ASAH2: variants seen among roughly 807,000 people sequenced by gnomAD.
ASAH2 encodes the protein N-acylsphingosine amidohydrolase 2.
In ASAH2, 58 loss-of-function variants were observed where a neutral mutation model predicts 82.9. That is an observed-to-expected ratio of 0.70 (90% confidence interval 0.57 to 0.87). ASAH2 has a LOEUF of 0.87. Ranked by LOEUF, ASAH2 falls within the 40% of genes least tolerant of loss-of-function variation. The pLI, the probability that ASAH2 is intolerant of heterozygous loss-of-function variation, is 0.00. For missense variants in ASAH2, 779 were observed against 834.0 expected (o/e 0.93, Z 0.81); for synonymous variants, 276 against 289.7 (o/e 0.95, Z 0.48).
intron 5 of ASAH2, 122 bp downstream of exon 5, chr10:50,235,766 G>T: frequency 9.5e-7 from 1 of 1,057,506 alleles, no homozygotes; most frequent in Non-Finnish European, 1.5e-6. Flanking sequence ...AGAAAGAATT[G>T]TACATGCTAA....
At position 50,218,582 on chromosome 10, in the gene ASAH2, T is replaced by C. The variant is rs1223410939; in HGVS notation, c.942A>G (p.Val314=). ...PVSMNNSNHL[V]NSDNVGYASY... is the part of the protein sequence containing the mutation. ...ATGCATAGCCCACATTGTCACTGTT[T>C]ACAAGATGGTTACTGTTGTTCATGC... Residue 314 remains valine, a synonymous_variant, in exon 8 of 21, where the codon GTA becomes GTG. Coordinates refer to ENST00000682911, the MANE Select transcript of ASAH2 (RefSeq NM_019893.4). 4 of 1,613,712 alleles carry C rather than the reference T, an allele frequency of 2.5e-6. No homozygotes were observed. The highest frequency in any genetic ancestry group is 3.4e-6 in the Non-Finnish European group (4 of 1,179,774).
chr10:50,250,911 C>A (rs1007417945), intron 1 of ASAH2, among the ~76,000 whole-genome samples: 43 of 152,210 alleles, frequency 2.8e-4, no homozygotes, highest in African/African-American at 1.0e-3. Context: ...TGTTTAGCTG[C>A]CAGAATTGTT....
intron 8 of ASAH2, among the ~76,000 whole-genome samples, chr10:50,215,860 A>C (rs936412885): frequency 2.0e-5 from 3 of 152,138 alleles, no homozygotes; most frequent in African/African-American, 7.2e-5. Context: ...ACACATGTAC[A>C]CGTATGTTTA....
At chr10:50,199,916 A>G (rs1351622925) in intron 16 of ASAH2, among the ~76,000 whole-genome samples, 112 of 151,762 alleles carry the variant, frequency 7.4e-4, no homozygotes, top group Non-Finnish European at 1.5e-3. Context: ...TTTCTCACCC[A>G]GATCTCTTTT....
In ASAH2 at chr10:50,210,906, T is replaced by A; in HGVS notation, c.1333-2A>T. On this transcript the variant is annotated splice_acceptor_variant, in intron 11 of 20. Transcript: ENST00000682911. LOFTEE classifies it high-confidence loss of function. ...CAATGCTGGTTTACATGTTTTTGACTAAAGGAAAAGTTTTAAAAACAAAAC... is the reference window on the plus strand; with the variant it reads ...CAATGCTGGTTTACATGTTTTTGACAAAAGGAAAAGTTTTAAAAACAAAAC... 6.2e-7 allele frequency: 1 copy of A among 1,613,118 alleles called. No homozygotes were observed. Among genetic ancestry groups the A allele is most frequent in the Non-Finnish European group, 8.5e-7 (1 of 1,179,194 alleles).
intron 5 of ASAH2, 97 bp downstream of exon 5, chr10:50,235,791 C>T: frequency 7.1e-7 from 1 of 1,400,200 alleles, no homozygotes; most frequent in African/African-American, 1.4e-5. Context: ...ATGCTCAGAC[C>T]CAAATCCTAT....
Position 50,215,750 on chromosome 10 carries a change from C to T in ASAH2, c.1015-882G>A, listed in dbSNP as rs919416103. 5.4e-4 allele frequency among the ~76,000 whole-genome samples: 82 copies of T among 152,192 alleles called. 2 individuals carry two copies. The South Asian group carries it at 0.013, about 25-fold the overall frequency. On this transcript the variant is annotated intron_variant, in intron 8 of 20. Transcript: ENST00000682911. ...AGTTCAACCATTGGGGAAAACAGTGCGATGATTCCTCAAGGATCTAGAACC... is the reference window on the plus strand; with the variant it reads ...AGTTCAACCATTGGGGAAAACAGTGTGATGATTCCTCAAGGATCTAGAACC...
At chr10:50,231,748 T>A (rs1273225260) in intron 7 of ASAH2, among the ~76,000 whole-genome samples, 1 of 152,184 alleles carries the variant, frequency 6.6e-6, no homozygotes, top group Non-Finnish European at 1.5e-5. Flanking sequence ...TAGGGAGTTT[T>A]TAGTGACTTC....
intron 3 of ASAH2, among the ~76,000 whole-genome samples, chr10:50,243,745 G>GA (rs1846370423): frequency 6.6e-6 from 1 of 152,072 alleles, no homozygotes; most frequent in Admixed American, 6.5e-5. Context: ...GGTACTACAG[G>GA]AAAAAATATT....
intron 18 of ASAH2, among the ~76,000 whole-genome samples, chr10:50,193,945 T>C (rs1444180090): frequency 6.6e-6 from 1 of 150,892 alleles, no homozygotes; most frequent in East Asian, 1.9e-4. Context: ...GATAAATTCC[T>C]AGAAAGACAC....
At chr10:50,236,137 A>G (rs1689357327) in intron 4 of ASAH2, 73 bp from the exon 5 acceptor site, 2 of 1,329,870 alleles carry the variant, frequency 1.5e-6, no homozygotes, top group Non-Finnish European at 2.2e-6. Context: ...GGCTTTGATG[A>G]GTTCAATCAC....
At chr10:50,220,363 T>C (rs1845708324) in intron 7 of ASAH2, among the ~76,000 whole-genome samples, 1 of 152,130 alleles carries the variant, frequency 6.6e-6, no homozygotes, top group Admixed American at 6.6e-5. Flanking sequence ...TAGCAAGACA[T>C]GAAATCAACC....
At position 50,231,542 on chromosome 10, in the gene ASAH2, A is replaced by G. The variant is rs896899821; in HGVS notation, c.893+1642T>C. Among the ~76,000 whole-genome samples the G allele has an allele frequency of 9.9e-5, 15 of 152,150 alleles. 1 individual carries two copies. Among genetic ancestry groups the G allele is most frequent in the African/African-American group, 3.4e-4 (14 of 41,506 alleles). Reference sequence around the variant, plus strand: ...ATATTTGTCTCTGTCTCTTGCCCCAATCACCCCACCAGCTTGTGAGACCCT... The same window carrying G: ...ATATTTGTCTCTGTCTCTTGCCCCAGTCACCCCACCAGCTTGTGAGACCCT... On this transcript the variant is annotated intron_variant, in intron 7 of 20. Coordinates refer to ENST00000682911, the MANE Select transcript of ASAH2 (RefSeq NM_019893.4).
chr10:50,221,762 A>G (rs1240545530), intron 7 of ASAH2, among the ~76,000 whole-genome samples: 1 of 152,098 alleles, frequency 6.6e-6, no homozygotes, highest in Admixed American at 6.6e-5. Context: ...ATATGCTCTT[A>G]TCCACTGTGG....
At position 50,233,198 on chromosome 10, in the gene ASAH2, G is replaced by C; in HGVS notation, c.879C>G (p.Asp293Glu). 1 of 1,610,278 alleles carries C rather than the reference G, an allele frequency of 6.2e-7. No homozygotes were observed. Among genetic ancestry groups the C allele is most frequent in the South Asian group, 1.1e-5 (1 of 91,006 alleles). ...VLKMVDLNGD[D>E]LGLISWFAIH... The stretch of plus-strand genomic sequence containing the variant: ...AAATACAGTACCTGATAAGGCCCAA[G>C]TCATCTCCATTCAAATCTACCATTT... Residue 293 changes from aspartate to glutamate, a missense_variant, in exon 7 of 21, where the codon GAC becomes GAG. Around this residue, in one of 3 missense-constraint regions of ASAH2, gnomAD observed 759 missense variants for 755.2 expected, o/e 1.00. Coordinates refer to ENST00000682911, the MANE Select transcript of ASAH2 (RefSeq NM_019893.4).
intron 2 of ASAH2, among the ~76,000 whole-genome samples, chr10:50,247,301 G>T (rs921183220): frequency 2.0e-5 from 3 of 149,622 alleles, no homozygotes; most frequent in Non-Finnish European, 4.4e-5. Context: ...GGGATTACAG[G>T]CGTGCACCAC....
chr10:50,220,336 T>C (rs1043886025), intron 7 of ASAH2, among the ~76,000 whole-genome samples: 1 of 152,208 alleles, frequency 6.6e-6, no homozygotes, highest in South Asian at 2.1e-4. Context: ...GTATGTTCGT[T>C]GCAGCACTAT....
At chr10:50,249,836 T>G (rs2133238498) in intron 1 of ASAH2, among the ~76,000 whole-genome samples, 1 of 152,310 alleles carries the variant, frequency 6.6e-6, no homozygotes, top group South Asian at 2.1e-4. Context: ...GCCCATTTTC[T>G]TAACCTGTGC....
In ASAH2 at chr10:50,251,394, C is replaced by T. The variant is rs1339363323; in HGVS notation, c.-37+1G>A. On this transcript the variant is annotated splice_donor_variant, in intron 1 of 20. Coordinates refer to ENST00000682911, the MANE Select transcript of ASAH2 (RefSeq NM_019893.4). LOFTEE classifies it low-confidence loss of function (5UTR_SPLICE). Reference sequence around the variant, plus strand: ...CCCCAAGAAAACATAGCTGTCCTTACCTGATTCTAGTACTCAAAAGAGGTT... The same window carrying T: ...CCCCAAGAAAACATAGCTGTCCTTATCTGATTCTAGTACTCAAAAGAGGTT... Among the ~76,000 whole-genome samples the T allele has an allele frequency of 6.6e-6, 1 of 152,194 alleles. No individual in the cohort carries two copies. The highest frequency in any genetic ancestry group is 2.1e-4 in the South Asian group (1 of 4,830).
Sources: gnomAD v4.1 joint callset for allele counts (sites outside exome capture counted in the v4.1 genomes callset) on GRCh38, gnomAD v4.1.1 for gene constraint, gnomAD v4.1.1 regional missense constraint, MANE v1.5 for transcripts, NCBI Gene and HGNC (gene_info 2026-07-23, HGNC 2026-07-21) for gene names.